Variants in TTC34 observed in about 807,000 individuals in gnomAD.
The protein encoded by TTC34 is tetratricopeptide repeat protein 34.
TTC34 carries 44 observed loss-of-function variants against 40.7 expected under a neutral mutation model. That is an observed-to-expected ratio of 1.08 (90% CI 0.85 to 1.39). The LOEUF is 1.39. TTC34 is among the 40% of genes most tolerant of loss of function. The probability of loss-of-function intolerance (pLI) is 0.00; values close to 1 mark genes in which losing one functional copy is unlikely to be tolerated. For synonymous variants in TTC34, 422 were observed against 398.6 expected, an observed-to-expected ratio of 1.06 and a Z score of -0.70; for missense variants, 884 against 838.0, an observed-to-expected ratio of 1.05 and a Z score of -0.68.
At chr1:2,789,370 T>C (rs1643633367) in intron 3 of TTC34, 133 bp downstream of exon 3, 1 of 856,070 alleles carries the variant, frequency 1.2e-6, no homozygotes, top group Non-Finnish European at 1.7e-6. Context: ...TAGACCTGCC[T>C]CGGGTGCTTT....
At chr1:2,694,268 ACCCCCAGGTGAGCATCG>A (rs1640761417) in intron 6 of TTC34, among the ~76,000 whole-genome samples, 1 of 107,832 alleles carries the variant, frequency 9.3e-6, no homozygotes, top group Non-Finnish European at 1.9e-5. Context: ...AGCACCCCAC[ACCCCCAGGTGAGCATCG>A]GACAGCCTGG....
At chr1:2,756,011 A>T (rs1408283228) in intron 6 of TTC34, among the ~76,000 whole-genome samples, 2 of 87,820 alleles carry the variant, frequency 2.3e-5, no homozygotes, top group Non-Finnish European at 4.1e-5. Context: ...GACACCCTGA[A>T]ACAGCACACA....
At chr1:2,653,638 CA>C (rs1639230960) in intron 6 of TTC34, among the ~76,000 whole-genome samples, 1 of 151,032 alleles carries the variant, frequency 6.6e-6, no homozygotes, top group African/African-American at 2.4e-5. Context: ...CAGCCTGGAG[CA>C]GCATCCACAC....
rs1557589972 is a variant in TTC34 at position 2,656,374 on chromosome 1, A to C, written c.2227-10811T>G. 7.4e-3 allele frequency among the ~76,000 whole-genome samples: 11 copies of C among 1,490 alleles called. 1 individual carries two copies. Among genetic ancestry groups the C allele is most frequent in the Non-Finnish European group, 9.3e-3 (6 of 646 alleles). The allele number at this position is 1,490 out of a possible 152,430, so 1.0% of individuals were successfully genotyped here. On this transcript the variant is annotated intron_variant, in intron 6 of 8. Transcript: ENST00000401095. Reference sequence around the variant, plus strand: ...TCTGACAGCCTGGAACAGCACCCACACCCACAGGTGAGCATCTGACAGCAT... The same window carrying C: ...TCTGACAGCCTGGAACAGCACCCACCCCCACAGGTGAGCATCTGACAGCAT...
rs1369790015 is a variant in TTC34, at chr1:2,682,091, G to A, written c.2227-36528C>T. On this transcript the variant is annotated intron_variant, in intron 6 of 8. Transcript: ENST00000401095. The stretch of plus-strand genomic sequence containing the variant: ...CCCACAGGTGAGCATCTGACAGCCT[G>A]GAGCAGCACCCACACCCCCAGGTGA... 3.5e-5 allele frequency among the ~76,000 whole-genome samples: 5 copies of A among 143,314 alleles called. 1 individual carries two copies. The highest frequency in any genetic ancestry group is 3.1e-5 in the Non-Finnish European group (2 of 65,236). The allele number at this position is 143,314 out of a possible 152,430, so 94.0% of individuals were successfully genotyped here. A position where few individuals can be genotyped will look rare whatever the true frequency, so the allele number is the denominator to read the frequency against.
chr1:2,641,178 G>C, exon 9 of TTC34: 1 of 489,670 alleles, frequency 2.0e-6, no homozygotes, highest in Non-Finnish European at 3.4e-6. Context: ...GGGGGCTGTG[G>C]GGAGGGTTGG....
chr1:2,698,407 A>C (rs12757709), intron 6 of TTC34, among the ~76,000 whole-genome samples: 164 of 8,450 alleles, frequency 0.019, no homozygotes, highest in African/African-American at 0.026. Flanking sequence ...CACCCCACAC[A>C]CCCAGGTGAG....
In TTC34 at chr1:2,768,930, C is replaced by T. The variant is rs1465732808; in HGVS notation, c.2226+14679G>A. ...AGGTGAGCATCTGACAGCCTGGAAACCCCCCCACTGCTTCCAGGTGAACAT... is the reference window on the plus strand; with the variant it reads ...AGGTGAGCATCTGACAGCCTGGAAATCCCCCCACTGCTTCCAGGTGAACAT... On this transcript the variant is annotated intron_variant, in intron 6 of 8. Transcript: ENST00000401095. Among the ~76,000 whole-genome samples, 3 of 47,992 alleles carry T rather than the reference C, an allele frequency of 6.3e-5. No individual in the cohort carries two copies. In the Admixed American group the frequency reaches 7.1e-4, roughly 11 times the overall value. 31.5% of individuals were successfully genotyped at this position (47,992 alleles called of 152,430 possible).
At chr1:2,777,751 G>A (rs893808767) in intron 6 of TTC34, among the ~76,000 whole-genome samples, 4 of 151,968 alleles carry the variant, frequency 2.6e-5, no homozygotes, top group Admixed American at 6.6e-5. Context: ...ATGACGGGGC[G>A]AGGGCCTGCT....
chr1:2,641,952 C>A, intron 8 of TTC34, 57 bp from the exon 9 acceptor site: 1 of 1,427,100 alleles, frequency 7.0e-7, no homozygotes, highest in Non-Finnish European at 9.2e-7. Context: ...AAAAGCCCGG[C>A]CGCCCCTGCC....
At chr1:2,787,553 G>A in exon 4 of TTC34, 3 of 1,542,690 alleles carry the variant, frequency 1.9e-6, no homozygotes, top group Non-Finnish European at 2.6e-6. Flanking sequence ...GGGCTGCCTG[G>A]GGCCTCCGGG....
rs1224221003 is a variant in TTC34, at chr1:2,645,774, G to A, written c.2227-211C>T. Among the ~76,000 whole-genome samples the A allele has an allele frequency of 6.6e-6, 1 of 152,136 alleles. No homozygotes were observed. ...CTCCTGATTCTGGTTAGCATTTGAG[G>A]GGACTCAGCTCACTGACCTTGACTC... On this transcript the variant is annotated intron_variant, in intron 6 of 8. Transcript: ENST00000401095. The surrounding 1 kb of genome is among the most constrained non-coding windows in gnomAD (Gnocchi z 4.7).
intron 6 of TTC34, among the ~76,000 whole-genome samples, chr1:2,688,663 C>G (rs1372427006): frequency 9.5e-6 from 1 of 104,900 alleles, no homozygotes; most frequent in African/African-American, 4.5e-5. Flanking sequence ...ACAGGTGAGC[C>G]TCTGACAGCC....
intron 6 of TTC34, among the ~76,000 whole-genome samples, chr1:2,756,790 C>G (rs1272180331): frequency 1.9e-4 from 2 of 10,534 alleles, no homozygotes; most frequent in Admixed American, 1.3e-3. Flanking sequence ...TCCACACCCC[C>G]AGGTGAACAT....
intron 2 of TTC34, among the ~76,000 whole-genome samples, chr1:2,792,033 T>TTTAAA (rs1553171534): frequency 7.5e-5 from 8 of 107,100 alleles, no homozygotes; most frequent in East Asian, 2.9e-4. Flanking sequence ...TTTTTTTTTT[T>TTTAAA]AAAGACAGGG....
chr1:2,771,335 T>TCTGA (rs1388457851), intron 6 of TTC34, among the ~76,000 whole-genome samples: 3 of 66,890 alleles, frequency 4.5e-5, no homozygotes, highest in Non-Finnish European at 7.6e-5. Flanking sequence ...CAGGTGAGCA[T>TCTGA]CTGACAGCCT....
intron 6 of TTC34, among the ~76,000 whole-genome samples, chr1:2,755,062 C>A (rs1378892187): frequency 1.4e-5 from 1 of 70,768 alleles, no homozygotes; most frequent in Non-Finnish European, 2.4e-5. Flanking sequence ...ACCCTGCACC[C>A]CCAGGTGCGC....
intron 6 of TTC34, among the ~76,000 whole-genome samples, chr1:2,681,857 A>C (rs1478182691): frequency 2.5e-5 from 3 of 118,508 alleles, no homozygotes; most frequent in Non-Finnish European, 5.7e-5. Context: ...CTGGAACAGA[A>C]CCCACACGCC....
chr1:2,788,854 G>T (rs1008212376), intron 3 of TTC34, among the ~76,000 whole-genome samples: 1 of 152,208 alleles, frequency 6.6e-6, no homozygotes, highest in Non-Finnish European at 1.5e-5. Context: ...CACTTTGGGA[G>T]GCCCGGGTGG....
Sources: gnomAD v4.1 joint callset for allele counts (sites outside exome capture counted in the v4.1 genomes callset) on GRCh38, gnomAD v4.1.1 for gene constraint, Gnocchi (gnomAD v3.1) non-coding constraint, MANE v1.5 for transcripts, NCBI Gene and HGNC (gene_info 2026-07-23, HGNC 2026-07-21) for gene names.